COL15A1: variants seen among roughly 807,000 people sequenced by gnomAD.
COL15A1 encodes collagen alpha-1(XV) chain.
A neutral mutation model predicts 165.9 loss-of-function variants in COL15A1; 111 were observed. The observed-to-expected ratio is 0.67, with a 90% CI of 0.57 to 0.78. The LOEUF (loss-of-function observed/expected upper bound fraction) is 0.78. Among genes scored for constraint, COL15A1 ranks in the 30% least tolerant of loss-of-function variants. COL15A1 has a pLI of 0.00. For missense variants in COL15A1, 1,745 were observed against 1,789.7 expected, an observed-to-expected ratio of 0.98 and a Z score of 0.45; for synonymous variants, 659 against 674.8, an observed-to-expected ratio of 0.98 and a Z score of 0.36.
Position 98,988,798 on chromosome 9 carries a change from T to C in COL15A1, c.724-380T>C, listed in dbSNP as rs140348286. On this transcript the variant is annotated intron_variant, in intron 4 of 41. Coordinates refer to ENST00000375001, the MANE Select transcript of COL15A1 (RefSeq NM_001855.5). Reference sequence around the variant, plus strand: ...ATTAGCCCGGCGTGGTGGCGTGTGCTTGTAATCCCAGCTACTCGTGAGGCT... The same window carrying C: ...ATTAGCCCGGCGTGGTGGCGTGTGCCTGTAATCCCAGCTACTCGTGAGGCT... 6.3e-3 allele frequency among the ~76,000 whole-genome samples: 950 copies of C among 151,906 alleles called. 7 individuals carry two copies. The highest frequency in any genetic ancestry group is 0.021 in the African/African-American group (868 of 41,416).
chr9:99,001,113 C>G (rs1225412313), intron 7 of COL15A1, among the ~76,000 whole-genome samples, 162 bp downstream of exon 7: 2 of 152,096 alleles, frequency 1.3e-5, no homozygotes, highest in Non-Finnish European at 2.9e-5. Flanking sequence ...GGTCAGAGTC[C>G]CAGGGCCACA....
intron 10 of COL15A1, 148 bp from the exon 11 acceptor site, chr9:99,015,828 T>G: frequency 1.0e-6 from 1 of 997,746 alleles, no homozygotes; most frequent in South Asian, 1.5e-5. Flanking sequence ...GAGATGCATA[T>G]TTCAGAAGGG....
chr9:99,069,497 G>A (rs34863444), intron 41 of COL15A1, among the ~76,000 whole-genome samples, 176 bp from the exon 42 acceptor site: 45,937 of 152,024 alleles, frequency 0.3, 7,891 homozygotes, highest in East Asian at 0.6. Context: ...CAAGCTGGGT[G>A]TGGCTGCAAT....
intron 6 of COL15A1, among the ~76,000 whole-genome samples, chr9:98,998,033 G>A (rs115103246): frequency 2.0e-3 from 307 of 152,296 alleles, no homozygotes; most frequent in African/African-American, 7.1e-3. Flanking sequence ...GGACATGCTC[G>A]TGGTATATTC....
At chr9:99,060,436 T>G (rs1825797838) in intron 36 of COL15A1, among the ~76,000 whole-genome samples, 1 of 148,578 alleles carries the variant, frequency 6.7e-6, no homozygotes, top group Non-Finnish European at 1.5e-5. Context: ...CTAATTTTTT[T>G]TTTTTTTTTT....
Position 99,004,935 on chromosome 9 carries a change from C to T in COL15A1, c.1238C>T (p.Ala413Val). Residue 413 changes from alanine to valine, a missense_variant, in exon 9 of 42, where the codon GCA becomes GTA. Ala to Val is a moderately conservative substitution (Grantham distance 64, BLOSUM62 0). Transcript: ENST00000375001. ...GAAGAGCGTTTAGCAGCAACAGCAG[C>T]AGGGGAGGCCGAGGCACTCGCCAGC... ...DNEERLAATA[A>V]GEAEALASMP... is the part of the protein sequence containing the mutation. 1.2e-6 allele frequency: 2 copies of T among 1,614,064 alleles called. No individual in the cohort carries two copies. The highest frequency in any genetic ancestry group is 8.5e-7 in the Non-Finnish European group (1 of 1,179,966).
intron 33 of COL15A1, 51 bp downstream of exon 33, chr9:99,055,202 A>T (rs374276927): frequency 2.4e-4 from 379 of 1,590,402 alleles, no homozygotes; most frequent in Non-Finnish European, 3.0e-4. Context: ...GTTTTGGTTT[A>T]TGTCAGAGAC....
intron 40 of COL15A1, among the ~76,000 whole-genome samples, 177 bp from the exon 41 acceptor site, chr9:99,068,378 T>A (rs1825930001): frequency 6.7e-6 from 1 of 148,344 alleles, no homozygotes; most frequent in African/African-American, 2.5e-5. Flanking sequence ...GGCAGGAGAA[T>A]CACTTGAACC....
chr9:98,979,299 C>T (rs1838192739), intron 2 of COL15A1, among the ~76,000 whole-genome samples: 1 of 152,304 alleles, frequency 6.6e-6, no homozygotes, highest in Non-Finnish European at 1.5e-5. Flanking sequence ...AATTGCCTCC[C>T]ACCACGTTAT....
chr9:99,015,579 T>G lies in COL15A1; in HGVS notation c.1503+13T>G. ...GGCAGTCACTTCTGTAAGTGTCATC[T>G]TGTGTCCTCTCTGGCTCACAGGGGA... On this transcript the variant is annotated intron_variant, in intron 10 of 41. Coordinates refer to ENST00000375001, the MANE Select transcript of COL15A1 (RefSeq NM_001855.5). The G allele has an allele frequency of 6.2e-7, 1 of 1,612,500 alleles. No individual in the cohort carries two copies. Among genetic ancestry groups the G allele is most frequent in the African/African-American group, 1.3e-5 (1 of 75,014 alleles).
chr9:99,030,254 A>G (rs1406460815), intron 16 of COL15A1, among the ~76,000 whole-genome samples: 1 of 152,222 alleles, frequency 6.6e-6, no homozygotes, highest in Non-Finnish European at 1.5e-5. Flanking sequence ...TGATACCTTC[A>G]TATTTCATCA....
intron 5 of COL15A1, among the ~76,000 whole-genome samples, chr9:98,990,830 G>A (rs557872426): frequency 6.6e-6 from 1 of 152,302 alleles, no homozygotes; most frequent in African/African-American, 2.4e-5. Context: ...TGGGTTCTTG[G>A]TCTCACCGAC....
Position 99,061,492 on chromosome 9 carries a change from T to A in COL15A1, c.3403-479T>A, listed in dbSNP as rs77896999. On this transcript the variant is annotated intron_variant, in intron 36 of 41. Coordinates refer to ENST00000375001, the MANE Select transcript of COL15A1 (RefSeq NM_001855.5). Reference sequence around the variant, plus strand: ...AACTACCAAGCTAGACAAAAAAGATTTAAGACCTTAAGTATAGTTGCTCAC... The same window carrying A: ...AACTACCAAGCTAGACAAAAAAGATATAAGACCTTAAGTATAGTTGCTCAC... Among the ~76,000 whole-genome samples, 913 of 152,316 alleles carry A rather than the reference T, an allele frequency of 6.0e-3. 10 individuals carry two copies. The highest frequency in any genetic ancestry group is 0.021 in the African/African-American group (869 of 41,566).
intron 19 of COL15A1, 101 bp from the exon 20 acceptor site, chr9:99,036,069 C>G (rs536189583): frequency 1.7e-4 from 171 of 1,010,456 alleles, no homozygotes; most frequent in Non-Finnish European, 2.4e-4. Context: ...TTGCCTGGGA[C>G]AAAATAAGCA....
chr9:99,002,802 G>A (rs1023259550), intron 7 of COL15A1, among the ~76,000 whole-genome samples: 2 of 152,206 alleles, frequency 1.3e-5, no homozygotes, highest in African/African-American at 2.4e-5. Context: ...AAATCCTGCA[G>A]CAAGGAAATC....
chr9:99,068,669 T>A lies in COL15A1; in HGVS notation c.3952T>A (p.Trp1318Arg). The change falls in exon 41 of 42, where the codon TGG becomes AGG. Residue 1318 changes from tryptophan to arginine, a missense_variant and splice_region_variant. Trp to Arg is a moderately radical substitution (Grantham distance 101). Transcript: ENST00000375001. Reference protein sequence around the residue: ...DGRDIMTDPSWPQKVIWHGSS... With the variant: ...DGRDIMTDPSRPQKVIWHGSS... ...TCGAGACATAATGACAGATCCTTCT[T>A]GGTAAGTGAGGGTGGAAGTTCTCAG... 6.5e-7 allele frequency: 1 copy of A among 1,532,092 alleles called. No homozygotes were observed. The highest frequency in any genetic ancestry group is 8.8e-7 in the Non-Finnish European group (1 of 1,135,438). The allele number at this position is 1,532,092 out of a possible 1,614,324, so 94.9% of individuals were successfully genotyped here.
chr9:99,069,974 T>C lies in COL15A1; in HGVS notation c.*88T>C, dbSNP rs1825958670. ...ATCTAAAATGTTTAATTGTTGTAAATATTACAGTTTTTTTTTTTTACTACA... is the reference window on the plus strand; with the variant it reads ...ATCTAAAATGTTTAATTGTTGTAAACATTACAGTTTTTTTTTTTTACTACA... On this transcript the variant is annotated 3_prime_UTR_variant, in exon 42 of 42. Coordinates refer to ENST00000375001, the MANE Select transcript of COL15A1 (RefSeq NM_001855.5). The C allele has an allele frequency of 5.8e-6, 6 of 1,030,300 alleles. No homozygotes were observed. In the Admixed American group the frequency reaches 1.7e-4, roughly 29 times the overall value. 63.8% of individuals were successfully genotyped at this position (1,030,300 alleles called of 1,614,324 possible).
chr9:98,961,571 C>T (rs1005082333), intron 2 of COL15A1, among the ~76,000 whole-genome samples: 5 of 152,224 alleles, frequency 3.3e-5, no homozygotes, highest in South Asian at 2.1e-4. Flanking sequence ...GGCTCGAACA[C>T]GTTGAGGGAG....
chr9:98,983,377 C>T (rs77497526), intron 2 of COL15A1, among the ~76,000 whole-genome samples: 2,047 of 152,254 alleles, frequency 0.013, 40 homozygotes, highest in African/African-American at 0.046. Flanking sequence ...CCCGCAACCC[C>T]GGTACAGACT....
Sources: gnomAD v4.1 joint callset for allele counts (sites outside exome capture counted in the v4.1 genomes callset) on GRCh38, gnomAD v4.1.1 for gene constraint, MANE v1.5 for transcripts, NCBI Gene and HGNC (gene_info 2026-07-23, HGNC 2026-07-21) for gene names.